The following KLF12 variants were observed in gnomAD, a reference collection of about 807,000 sequenced individuals.
KLF12 encodes the protein KLF transcription factor 12.
A neutral mutation model predicts 37.8 loss-of-function variants in KLF12; 9 were observed. That is an observed-to-expected ratio of 0.24 (90% CI 0.14 to 0.42). The LOEUF (loss-of-function observed/expected upper bound fraction) is 0.42. KLF12 is among the 10% of genes least tolerant of loss of function. The pLI is 1.00. For synonymous variants in KLF12, 208 were observed against 202.1 expected (o/e 1.03, Z -0.25); for missense variants, 411 against 516.0 (o/e 0.80, Z 1.97).
chr13:74,203,611 C>T, the KLF12 span, among the ~76,000 whole-genome samples: 6,540 of 152,100 alleles, frequency 0.043, 358 homozygotes, highest in African/African-American at 0.13. Context: ...CATTATGATG[C>T]TATGCAATGT....
At chr13:74,087,330 TAA>T (rs376989402) in intron 1 of KLF12, among the ~76,000 whole-genome samples, 2 of 150,266 alleles carry the variant, frequency 1.3e-5, no homozygotes, top group African/African-American at 5.0e-5. Context: ...CAGAAGGGTT[TAA>T]AAAAAATTTT....
chr13:74,038,336 A>G (rs9543514), intron 1 of KLF12, among the ~76,000 whole-genome samples: 26,492 of 152,140 alleles, frequency 0.17, 2,473 homozygotes, highest in Admixed American at 0.24. Flanking sequence ...TCAGTCAATC[A>G]TGTATTCATT....
chr13:74,294,713 G>A, the KLF12 span, among the ~76,000 whole-genome samples: 1 of 152,014 alleles, frequency 6.6e-6, no homozygotes, highest in African/African-American at 2.4e-5. Context: ...ATTTTGTTCT[G>A]AGGTATATTC....
chr13:73,890,631 C>G (rs186455073), intron 3 of KLF12, among the ~76,000 whole-genome samples: 1 of 152,020 alleles, frequency 6.6e-6, no homozygotes, highest in African/African-American at 2.4e-5. Flanking sequence ...GCCTCCTGCA[C>G]TAGGCCCCAG....
chr13:73,729,124 C>T (rs1347691600), intron 6 of KLF12, among the ~76,000 whole-genome samples: 2 of 152,176 alleles, frequency 1.3e-5, no homozygotes, highest in African/African-American at 2.4e-5. Context: ...TTTCATATCA[C>T]TAAAGTTTCA....
the KLF12 span, among the ~76,000 whole-genome samples, chr13:74,203,905 C>T: frequency 3.2e-4 from 49 of 152,060 alleles, no homozygotes; most frequent in East Asian, 8.5e-3. Flanking sequence ...AGTATGTAAG[C>T]GGAGACTCAG....
chr13:73,936,743 C>T (rs939218307), intron 3 of KLF12, among the ~76,000 whole-genome samples: 7 of 152,148 alleles, frequency 4.6e-5, no homozygotes, highest in African/African-American at 1.4e-4. Flanking sequence ...GAGTTCATCA[C>T]GTTTTCTGCT....
At chr13:74,293,365 C>T in the KLF12 span, among the ~76,000 whole-genome samples, 26,447 of 151,968 alleles carry the variant, frequency 0.17, 2,948 homozygotes, top group African/African-American at 0.3. Context: ...TGGCTGTGAT[C>T]CTCACGAATT....
the KLF12 span, among the ~76,000 whole-genome samples, chr13:74,250,569 A>G: frequency 2.0e-5 from 3 of 152,228 alleles, no homozygotes; most frequent in African/African-American, 7.2e-5. Flanking sequence ...AGAGAAGGCC[A>G]GAGCTAGGCT....
chr13:73,888,547 T>C (rs1336678248), intron 3 of KLF12, among the ~76,000 whole-genome samples: 1 of 152,200 alleles, frequency 6.6e-6, no homozygotes, highest in East Asian at 1.9e-4. Flanking sequence ...ATTTTCTTCA[T>C]CTTTCATCTG....
At chr13:73,859,950 T>C (rs1399820554) in intron 3 of KLF12, among the ~76,000 whole-genome samples, 1 of 152,180 alleles carries the variant, frequency 6.6e-6, no homozygotes, top group Non-Finnish European at 1.5e-5. Context: ...CATAACTTTT[T>C]TTAAAAAAAG....
chr13:74,214,645 T>C, the KLF12 span, among the ~76,000 whole-genome samples: 1 of 151,546 alleles, frequency 6.6e-6, no homozygotes, highest in South Asian at 2.1e-4. Flanking sequence ...ATTTCAGATT[T>C]TTTTTTTTCT....
At chr13:73,853,701 T>G (rs1054924272) in intron 3 of KLF12, among the ~76,000 whole-genome samples, 1 of 149,506 alleles carries the variant, frequency 6.7e-6, no homozygotes, top group East Asian at 2.0e-4. Flanking sequence ...ATTGCGCCAC[T>G]GCACTCCAGC....
chr13:74,175,405 TAGAG>T, the KLF12 span, among the ~76,000 whole-genome samples: 2 of 152,216 alleles, frequency 1.3e-5, no homozygotes, highest in African/African-American at 4.8e-5. Flanking sequence ...TATTTTCTAA[TAGAG>T]AGGTAAAACT....
At chr13:74,167,972 C>T in the KLF12 span, among the ~76,000 whole-genome samples, 2 of 152,108 alleles carry the variant, frequency 1.3e-5, 1 homozygote, top group Non-Finnish European at 2.9e-5. Context: ...GGCTAAAATC[C>T]TTATATTGTT....
At chr13:74,043,365 G>T (rs1805020022) in intron 1 of KLF12, among the ~76,000 whole-genome samples, 1 of 152,226 alleles carries the variant, frequency 6.6e-6, no homozygotes, top group Non-Finnish European at 1.5e-5. Context: ...GCCATTCTGT[G>T]CTAAAACAGG....
the KLF12 span, among the ~76,000 whole-genome samples, chr13:74,198,027 AAAAG>A: frequency 6.6e-6 from 1 of 152,174 alleles, no homozygotes; most frequent in Non-Finnish European, 1.5e-5. Context: ...AGAAGAGAAA[AAAAG>A]AAAGAAGGAA....
the KLF12 span, among the ~76,000 whole-genome samples, chr13:74,167,761 G>A: frequency 6.6e-6 from 1 of 152,138 alleles, no homozygotes; most frequent in African/African-American, 2.4e-5. Flanking sequence ...TGTCTACATC[G>A]TAAAATCATA....
At chr13:73,716,426 A>C (rs1452294792) in intron 6 of KLF12, among the ~76,000 whole-genome samples, 3 of 152,226 alleles carry the variant, frequency 2.0e-5, no homozygotes, top group African/African-American at 7.2e-5. Flanking sequence ...ACTACAGTTA[A>C]TATTTTGACA....
Sources: gnomAD v4.1 joint callset for allele counts (sites outside exome capture counted in the v4.1 genomes callset) on GRCh38, gnomAD v4.1.1 for gene constraint, MANE v1.5 for transcripts, NCBI Gene and HGNC (gene_info 2026-07-23, HGNC 2026-07-21) for gene names.